NFIB: variants seen among roughly 807,000 people sequenced by gnomAD.
The protein encoded by NFIB is nuclear factor 1 B-type.
Under a neutral mutation model 61.5 loss-of-function variants are expected in NFIB, and 11 were observed. The ratio of observed to expected loss-of-function variants is 0.18; its 90% confidence interval spans 0.11 to 0.30. NFIB has a LOEUF of 0.30. Among genes scored for constraint, NFIB ranks in the 10% least tolerant of loss-of-function variants. The pLI is 1.00. For missense variants in NFIB, 471 were observed against 608.9 expected, an observed-to-expected ratio of 0.77 and a Z score of 2.38; for synonymous variants, 260 against 216.5, an observed-to-expected ratio of 1.20 and a Z score of -1.76.
intron 1 of NFIB, among the ~76,000 whole-genome samples, chr9:14,372,043 T>C (rs558065437): frequency 6.6e-6 from 1 of 151,556 alleles, no homozygotes; most frequent in African/African-American, 2.4e-5. Flanking sequence ...GCACCATCTC[T>C]ACATGAGTTG....
At chr9:14,099,278 G>C (rs935816752) in intron 10 of NFIB, among the ~76,000 whole-genome samples, 1 of 152,176 alleles carries the variant, frequency 6.6e-6, no homozygotes, top group Middle Eastern at 3.4e-3. Flanking sequence ...ATTCCATCGT[G>C]ACAAAGGCAA....
upstream of NFIB, among the ~76,000 whole-genome samples, chr9:14,401,783 T>G (rs1261182372): frequency 6.6e-6 from 1 of 152,170 alleles, no homozygotes; most frequent in Non-Finnish European, 1.5e-5. Context: ...ATCCTAGGCT[T>G]TGTAATAGTA....
chr9:14,278,947 A>G (rs2058187646), intron 2 of NFIB, among the ~76,000 whole-genome samples: 2 of 152,198 alleles, frequency 1.3e-5, no homozygotes, highest in Non-Finnish European at 2.9e-5. Context: ...CAATAGGTTC[A>G]ATACAAAAAC....
chr9:14,426,257 T>C, the NFIB span, among the ~76,000 whole-genome samples: 6 of 152,328 alleles, frequency 3.9e-5, no homozygotes, highest in Non-Finnish European at 8.8e-5. Flanking sequence ...TCCCTGTCTT[T>C]ATCCTGCACT....
At chr9:14,124,460 C>T (rs1011913058) in intron 7 of NFIB, among the ~76,000 whole-genome samples, 3 of 152,016 alleles carry the variant, frequency 2.0e-5, no homozygotes, top group Non-Finnish European at 4.4e-5. Context: ...TTAAGTATAG[C>T]ACCAACAAAT....
At chr9:14,115,934 T>G (rs541469319) in intron 9 of NFIB, among the ~76,000 whole-genome samples, 1 of 152,316 alleles carries the variant, frequency 6.6e-6, no homozygotes, top group East Asian at 1.9e-4. Flanking sequence ...AGGCATGACT[T>G]ATTATTTTTG....
At chr9:14,523,760 T>C in the NFIB span, among the ~76,000 whole-genome samples, 2 of 152,150 alleles carry the variant, frequency 1.3e-5, no homozygotes, top group African/African-American at 4.8e-5. Context: ...TTGCGACAGT[T>C]AGAGATGACG....
At chr9:14,190,128 G>C (rs1477830912) in intron 2 of NFIB, among the ~76,000 whole-genome samples, 1 of 152,048 alleles carries the variant, frequency 6.6e-6, no homozygotes, top group African/African-American at 2.4e-5. Flanking sequence ...AAATGTTTAT[G>C]TTTATATCCT....
chr9:14,435,079 C>T, the NFIB span, among the ~76,000 whole-genome samples: 4 of 152,204 alleles, frequency 2.6e-5, no homozygotes, highest in Admixed American at 2.6e-4. Context: ...CTCACAAATA[C>T]ATCTTCCGTC....
At chr9:14,231,135 AAT>A (rs1554681460) in intron 2 of NFIB, among the ~76,000 whole-genome samples, 114 of 35,350 alleles carry the variant, frequency 3.2e-3, no homozygotes, top group African/African-American at 6.9e-3. Flanking sequence ...AAAAAAAAAA[AAT>A]ATATATATAT....
chr9:14,387,637 A>G (rs1291240491), intron 1 of NFIB, among the ~76,000 whole-genome samples: 1 of 152,226 alleles, frequency 6.6e-6, no homozygotes, highest in Admixed American at 6.5e-5. Flanking sequence ...GGAAAATGCA[A>G]ATTAAGACAA....
Position 14,307,802 on chromosome 9 carries a change from T to G in NFIB, c.31-282A>C. 1 of 283,440 alleles carries G rather than the reference T, an allele frequency of 3.5e-6. No homozygotes were observed. Among genetic ancestry groups the G allele is most frequent in the South Asian group, 8.1e-5 (1 of 12,382 alleles). 17.6% of individuals were successfully genotyped at this position (283,440 alleles called of 1,614,324 possible). ...TATTACACTCTGGCCCCATCCCCCT[T>G]GTTTCCACCCCAATGCCATGCATTC... is the stretch of plus-strand genomic sequence containing the variant. On this transcript the variant is annotated intron_variant, in intron 1 of 10. Coordinates refer to ENST00000380953, the MANE Select transcript of NFIB (RefSeq NM_001190737.2). This position sits in a 1 kb window ranked among gnomAD's most constrained non-coding sequence, Gnocchi z 5.3.
At chr9:14,483,119 C>T in the NFIB span, among the ~76,000 whole-genome samples, 2 of 152,112 alleles carry the variant, frequency 1.3e-5, no homozygotes, top group Non-Finnish European at 2.9e-5. Context: ...TAACCTCCTG[C>T]TTAGGCTGTT....
chr9:14,136,461 C>T (rs987218294), intron 6 of NFIB, among the ~76,000 whole-genome samples: 3 of 152,084 alleles, frequency 2.0e-5, no homozygotes, highest in Non-Finnish European at 4.4e-5. Flanking sequence ...AATACCATAA[C>T]CTTAACTGTA....
chr9:14,314,029 A>G lies in NFIB; in HGVS notation c.-518T>C. 1 of 1,068,982 alleles carries G rather than the reference A, an allele frequency of 9.4e-7. No individual in the cohort carries two copies. The highest frequency in any genetic ancestry group is 1.7e-5 in the African/African-American group (1 of 59,818). The allele number at this position is 1,068,982 out of a possible 1,614,324, so 66.2% of individuals were successfully genotyped here. ...GGAGAATGTGTCACCGCGCTGGGAA[A>G]GTTCAAGGTTACAGCCCCAAGCACT... is the stretch of plus-strand genomic sequence containing the variant. On this transcript the variant is annotated 5_prime_UTR_variant, in exon 1 of 11. Transcript: ENST00000380953.
chr9:14,297,889 T>A (rs1393516573), intron 2 of NFIB, among the ~76,000 whole-genome samples: 1 of 152,232 alleles, frequency 6.6e-6, no homozygotes, highest in Non-Finnish European at 1.5e-5. Context: ...TTTTCCAGTA[T>A]TTTAAAAATA....
At chr9:14,223,075 A>G (rs923945188) in intron 2 of NFIB, among the ~76,000 whole-genome samples, 2 of 152,226 alleles carry the variant, frequency 1.3e-5, no homozygotes, top group Admixed American at 1.3e-4. Context: ...AGAAAAGCAG[A>G]AAGAAAAATC....
chr9:14,474,690 T>G, the NFIB span, among the ~76,000 whole-genome samples: 2 of 152,334 alleles, frequency 1.3e-5, no homozygotes, highest in East Asian at 3.9e-4. Context: ...AGTTATGCAC[T>G]TTTAAAATAC....
intron 6 of NFIB, 105 bp downstream of exon 6, chr9:14,146,583 AT>A (rs1010391313): frequency 8.8e-6 from 13 of 1,478,628 alleles, no homozygotes; most frequent in African/African-American, 2.8e-5. Flanking sequence ...TATGAAAAAA[AT>A]ATACAATCCA....
Sources: allele counts gnomAD v4.1 joint callset (sites outside exome capture counted in the v4.1 genomes callset), GRCh38; gene constraint gnomAD v4.1.1; non-coding constraint Gnocchi (gnomAD v3.1); transcripts MANE v1.5; gene names NCBI Gene and HGNC (gene_info 2026-07-23, HGNC 2026-07-21).